The following GPR55 variants were observed in gnomAD, a reference collection of about 807,000 sequenced individuals.
GPR55 encodes G-protein coupled receptor 55.
In GPR55, 6 loss-of-function variants were observed where a neutral mutation model predicts 7.9. The ratio of observed to expected loss-of-function variants is 0.76; its 90% CI spans 0.41 to 1.49. The LOEUF is 1.49. Ranked by LOEUF, GPR55 falls within the 40% of genes most tolerant of loss-of-function variation. The probability of loss-of-function intolerance (pLI) is 0.01; values close to 1 mark genes in which losing one functional copy is unlikely to be tolerated. For synonymous variants in GPR55, 183 were observed against 166.8 expected, an observed-to-expected ratio of 1.10 and a Z score of -0.75; for missense variants, 376 against 406.0, an observed-to-expected ratio of 0.93 and a Z score of 0.63.
intron 1 of GPR55, among the ~76,000 whole-genome samples, chr2:230,920,984 T>C (rs1436926369): frequency 6.6e-6 from 1 of 152,018 alleles, no homozygotes; most frequent in Non-Finnish European, 1.5e-5. Context: ...CAGAGTAAAA[T>C]GATAGCATAA....
At chr2:230,919,881 T>C (rs779626615) in intron 1 of GPR55, among the ~76,000 whole-genome samples, 53 of 152,224 alleles carry the variant, frequency 3.5e-4, no homozygotes, top group Non-Finnish European at 6.2e-4. Context: ...CTGACTGTTA[T>C]GTTTATGCTG....
intron 1 of GPR55, among the ~76,000 whole-genome samples, chr2:230,956,622 T>C (rs895892756): frequency 2.6e-5 from 4 of 152,230 alleles, no homozygotes; most frequent in African/African-American, 7.2e-5. Flanking sequence ...ATACTTCACC[T>C]GCAGCTCCTA....
chr2:230,932,387 GC>G (rs1458352412), intron 1 of GPR55, among the ~76,000 whole-genome samples: 4 of 152,128 alleles, frequency 2.6e-5, no homozygotes, highest in Non-Finnish European at 5.9e-5. Context: ...CTTAATTTGT[GC>G]ATTATATCAT....
chr2:230,910,057 G>C lies in GPR55; in HGVS notation c.906C>G (p.His302Gln). The change falls in exon 2 of 2, where the codon CAC (histidine) becomes CAG (glutamine). Residue 302 changes from histidine (H) to glutamine (Q), a missense_variant. His to Gln is a conservative substitution (Grantham distance 24). Transcript: ENST00000650999. The surrounding 1 kb of genome is among the most constrained non-coding windows in gnomAD (Gnocchi z 5.4). ...GGACCAGCTGGACCCTGGAAGGCCGGTGGGCCCTGATGTTCATGCGGAATT... is the reference window on the plus strand; with the variant it reads ...GGACCAGCTGGACCCTGGAAGGCCGCTGGGCCCTGATGTTCATGCGGAATT... ...IKEFRMNIRA[H>Q]RPSRVQLVLQ... 1 of 1,614,102 alleles carries C rather than the reference G, an allele frequency of 6.2e-7. No individual in the cohort carries two copies. The highest frequency in any genetic ancestry group is 8.5e-7 in the Non-Finnish European group (1 of 1,179,962).
At chr2:230,939,588 G>A (rs1419841372) in intron 1 of GPR55, among the ~76,000 whole-genome samples, 1 of 152,186 alleles carries the variant, frequency 6.6e-6, no homozygotes, top group East Asian at 1.9e-4. Context: ...GAGTCTTCTA[G>A]AGCACCTGAG....
Position 230,953,139 on chromosome 2 carries a change from C to T in GPR55, c.-135+7636G>A, listed in dbSNP as rs981163226. On this transcript the variant is annotated intron_variant, in intron 1 of 1. Coordinates refer to the GPR55 transcript ENST00000392039. ...GGTGGCTGGCTAAAGTGACCAGCAG[C>T]AACCAGGTGGAGGTGGTGGTTGTGT... Among the ~76,000 whole-genome samples, 15 of 152,252 alleles carry T rather than the reference C, an allele frequency of 9.9e-5. No homozygotes were observed. In the East Asian group the frequency reaches 2.3e-3, roughly 24 times the overall value.
At chr2:230,945,599 G>A (rs1358720794) in intron 1 of GPR55, among the ~76,000 whole-genome samples, 2 of 152,230 alleles carry the variant, frequency 1.3e-5, no homozygotes, top group Admixed American at 6.5e-5. Flanking sequence ...TTGAGACGGA[G>A]TCTCGCTCTG....
At chr2:230,942,455 G>T (rs2125066449) in intron 1 of GPR55, among the ~76,000 whole-genome samples, 1 of 152,296 alleles carries the variant, frequency 6.6e-6, no homozygotes, top group Non-Finnish European at 1.5e-5. Flanking sequence ...CCCCACTCAG[G>T]CCCCCAGGAC....
At chr2:230,912,670 C>T (rs1486203099) in intron 1 of GPR55, among the ~76,000 whole-genome samples, 1 of 152,218 alleles carries the variant, frequency 6.6e-6, no homozygotes, top group East Asian at 1.9e-4. Flanking sequence ...GAACTCCTGA[C>T]CTCAGGTGAT....
intron 1 of GPR55, among the ~76,000 whole-genome samples, chr2:230,941,991 G>T (rs1282028292): frequency 6.6e-6 from 1 of 152,208 alleles, no homozygotes; most frequent in Admixed American, 6.5e-5. Context: ...GGGATCCAGA[G>T]TGCAGGGGAG....
chr2:230,936,721 G>A (rs1181539008), intron 1 of GPR55, among the ~76,000 whole-genome samples: 2 of 152,168 alleles, frequency 1.3e-5, no homozygotes. Context: ...GCTCATGAAA[G>A]GTAGTTGTCT....
chr2:230,947,771 G>T (rs762275426), intron 1 of GPR55, among the ~76,000 whole-genome samples: 2 of 151,874 alleles, frequency 1.3e-5, no homozygotes, highest in Non-Finnish European at 2.9e-5. Flanking sequence ...CAGAGTGCTG[G>T]GATTACAAGT....
At chr2:230,960,417 T>A (rs1053370948) in intron 1 of GPR55, among the ~76,000 whole-genome samples, 4 of 151,896 alleles carry the variant, frequency 2.6e-5, no homozygotes, top group African/African-American at 9.7e-5. Context: ...GTACTCTGAG[T>A]TTTTATGATT....
intron 1 of GPR55, among the ~76,000 whole-genome samples, chr2:230,921,870 C>G (rs1245700563): frequency 6.6e-6 from 1 of 152,178 alleles, no homozygotes; most frequent in Non-Finnish European, 1.5e-5. Context: ...TGCTCCTAAT[C>G]CCTAGAGGGA....
At chr2:230,933,036 T>A (rs924640848) in intron 1 of GPR55, among the ~76,000 whole-genome samples, 2 of 152,132 alleles carry the variant, frequency 1.3e-5, no homozygotes, top group Admixed American at 1.3e-4. Flanking sequence ...ATGGGTCTGC[T>A]TTCACCCGGC....
chr2:230,952,257 T>G (rs1402001159), intron 1 of GPR55, among the ~76,000 whole-genome samples: 1 of 130,510 alleles, frequency 7.7e-6, no homozygotes, highest in East Asian at 2.5e-4. Flanking sequence ...GGTGAGCACT[T>G]TGGAATGCTC....
At chr2:230,948,961 C>T (rs545818929) in intron 1 of GPR55, among the ~76,000 whole-genome samples, 7 of 152,176 alleles carry the variant, frequency 4.6e-5, no homozygotes, top group Middle Eastern at 3.4e-3. Context: ...CCCAACTCCT[C>T]GGGAGGCTGA....
At position 230,923,008 on chromosome 2, in the gene GPR55, CTGGTTCTTAATTGCTGACTCT is replaced by C. The variant is rs1200097970; in HGVS notation, c.-135+2139_-135+2159del. 7.2e-5 allele frequency among the ~76,000 whole-genome samples: 11 copies of C among 152,308 alleles called. No individual in the cohort carries two copies. Among genetic ancestry groups the C allele is most frequent in the African/African-American group, 2.6e-4 (11 of 41,566 alleles). ...CGTGAGCCCGAGCACCCGGCCTGTG[CTGGTTCTTAATTGCTGACTCT>C]ACACATTCTGCAGCTGGGATTCCCG... On this transcript the variant is annotated intron_variant, in intron 1 of 1. Transcript: ENST00000650999. This position sits in a 1 kb window ranked among gnomAD's most constrained non-coding sequence, Gnocchi z 4.1.
At chr2:230,927,264 T>A (rs79344783), upstream of GPR55, among the ~76,000 whole-genome samples, 8,150 of 152,214 alleles carry the variant, frequency 0.054, 522 homozygotes, top group African/African-American at 0.15. Context: ...CCACACGAGC[T>A]GCTCTGCAGT....
Sources: allele counts gnomAD v4.1 joint callset (sites outside exome capture counted in the v4.1 genomes callset), GRCh38; gene constraint gnomAD v4.1.1; non-coding constraint Gnocchi (gnomAD v3.1); transcripts MANE v1.5; gene names NCBI Gene and HGNC (gene_info 2026-07-23, HGNC 2026-07-21).